Variants in LIMS1 observed in about 807,000 individuals in gnomAD.
LIMS1 encodes the protein LIM and senescent cell antigen-like-containing domain protein 1.
Under a neutral mutation model 44.1 loss-of-function variants are expected in LIMS1, and 18 were observed. The ratio of observed to expected loss-of-function variants is 0.41; its 90% CI spans 0.28 to 0.61. LIMS1 has a LOEUF of 0.61. LIMS1 is among the 20% of genes least tolerant of loss of function. The probability of loss-of-function intolerance (pLI) is 0.32; values close to 1 mark genes in which losing one functional copy is unlikely to be tolerated. For synonymous variants in LIMS1, 93 were observed against 149.1 expected, an observed-to-expected ratio of 0.62 and a Z score of 2.74; for missense variants, 201 against 422.0, an observed-to-expected ratio of 0.48 and a Z score of 4.59.
chr2:108,583,242 C>T (rs1685959054), intron 1 of LIMS1, among the ~76,000 whole-genome samples: 1 of 149,624 alleles, frequency 6.7e-6, no homozygotes, highest in African/African-American at 2.5e-5. Flanking sequence ...GGGGTCTCAC[C>T]ATGTTAGGCA....
chr2:108,613,451 C>T (rs1687767252), intron 1 of LIMS1, among the ~76,000 whole-genome samples: 1 of 152,128 alleles, frequency 6.6e-6, no homozygotes. Flanking sequence ...GTGGGTGCTT[C>T]CTGCCTCCCT....
intron 1 of LIMS1, among the ~76,000 whole-genome samples, chr2:108,568,636 C>G (rs1022946577): frequency 1.3e-5 from 2 of 152,282 alleles, no homozygotes; most frequent in East Asian, 3.9e-4. Context: ...CCATTTTACA[C>G]CAACAACACA....
chr2:108,651,320 TATAGAGTGTG>T (rs1690470049), intron 1 of LIMS1, among the ~76,000 whole-genome samples: 1 of 152,220 alleles, frequency 6.6e-6, no homozygotes, highest in African/African-American at 2.4e-5. Flanking sequence ...GAAGGTGATC[TATAGAGTGTG>T]ATAGAAGACA....
chr2:108,541,855 A>G (rs1187190424), intron 1 of LIMS1, among the ~76,000 whole-genome samples: 2 of 152,334 alleles, frequency 1.3e-5, no homozygotes, highest in East Asian at 3.9e-4. Context: ...GTAGTAGGGA[A>G]TTAGGGATTC....
chr2:108,543,148 T>G (rs1466199294), intron 1 of LIMS1, among the ~76,000 whole-genome samples: 3 of 152,192 alleles, frequency 2.0e-5, no homozygotes, highest in Non-Finnish European at 4.4e-5. Context: ...TTTAGAAATT[T>G]CACTGGGCAT....
At chr2:108,624,854 A>C (rs1175485038) in intron 1 of LIMS1, among the ~76,000 whole-genome samples, 2 of 152,106 alleles carry the variant, frequency 1.3e-5, no homozygotes, top group Non-Finnish European at 2.9e-5. Context: ...CGAGGCAGGC[A>C]GATCACCTGA....
intron 1 of LIMS1, among the ~76,000 whole-genome samples, chr2:108,619,254 T>A (rs1455111740): frequency 2.6e-5 from 4 of 152,210 alleles, no homozygotes; most frequent in African/African-American, 9.6e-5. Context: ...ATGTTGGGAT[T>A]TCTGTATTTA....
At chr2:108,611,674 G>A (rs1392459171) in intron 1 of LIMS1, among the ~76,000 whole-genome samples, 9 of 151,788 alleles carry the variant, frequency 5.9e-5, no homozygotes, top group African/African-American at 2.2e-4. Flanking sequence ...GAGCTCAGGA[G>A]TTCGAGACCA....
At chr2:108,681,702 C>A in intron 9 of LIMS1, 1 of 535,028 alleles carries the variant, frequency 1.9e-6, no homozygotes, top group Non-Finnish European at 2.4e-6. Context: ...GGAAGGATTG[C>A]CTGAGCCCAG....
rs141646067 is a variant in LIMS1 at position 108,546,909 on chromosome 2, T to G, written c.32+12315T>G. Among the ~76,000 whole-genome samples, 4 of 152,338 alleles carry G rather than the reference T, an allele frequency of 2.6e-5. No homozygotes were observed. In the East Asian group the frequency reaches 7.7e-4, roughly 29 times the overall value. Reference sequence around the variant, plus strand: ...ATGCTTGTGTTTGAAGTATAACGTTTTGCTTTTCAGTAATGGTCTCCCTGA... The same window carrying G: ...ATGCTTGTGTTTGAAGTATAACGTTGTGCTTTTCAGTAATGGTCTCCCTGA... On this transcript the variant is annotated intron_variant, in intron 1 of 9. Transcript: ENST00000544547.
intron 1 of LIMS1, among the ~76,000 whole-genome samples, chr2:108,639,562 C>T (rs552548396): frequency 6.6e-6 from 1 of 152,314 alleles, no homozygotes; most frequent in East Asian, 1.9e-4. Context: ...AAGTGATTCT[C>T]CTGCTTCAGC....
chr2:108,683,814 C>A, intron 9 of LIMS1, 71 bp from the exon 10 acceptor site: 1 of 760,732 alleles, frequency 1.3e-6, no homozygotes, highest in Non-Finnish European at 2.1e-6. Context: ...ACAATTACTG[C>A]ACATCATTTA....
intron 1 of LIMS1, among the ~76,000 whole-genome samples, chr2:108,555,935 A>G (rs1383867045): frequency 6.6e-6 from 1 of 152,172 alleles, no homozygotes; most frequent in Non-Finnish European, 1.5e-5. Flanking sequence ...AAATGCTTTG[A>G]AAACTTGACT....
At chr2:108,552,468 TATA>T (rs1186230976) in intron 1 of LIMS1, among the ~76,000 whole-genome samples, 2 of 146,146 alleles carry the variant, frequency 1.4e-5, no homozygotes, top group East Asian at 1.9e-4. Flanking sequence ...TATATTAATA[TATA>T]ATAGTAATAC....
At chr2:108,543,015 A>G (rs902833128) in intron 1 of LIMS1, among the ~76,000 whole-genome samples, 2 of 152,266 alleles carry the variant, frequency 1.3e-5, no homozygotes, top group East Asian at 1.9e-4. Flanking sequence ...ATTTGTGTCC[A>G]TTATATACAC....
In LIMS1 at chr2:108,674,493, C is replaced by T. The variant is rs1260498410; in HGVS notation, c.531-1385C>T. ...ATCCCAGCACTTTGGGAGGCCGAGG[C>T]GGGTGGATCACGAGGTCAGGAGATC... On this transcript the variant is annotated intron_variant, in intron 5 of 9. Coordinates refer to ENST00000544547, the Ensembl canonical transcript of LIMS1. Among the ~76,000 whole-genome samples the T allele has an allele frequency of 4.0e-5, 6 of 151,720 alleles. 1 individual carries two copies. The East Asian group carries it at 5.9e-4, about 15-fold the overall frequency.
chr2:108,641,742 A>G (rs1190004937), intron 1 of LIMS1, among the ~76,000 whole-genome samples: 2 of 152,170 alleles, frequency 1.3e-5, no homozygotes, highest in African/African-American at 4.8e-5. Flanking sequence ...TTGCCTGTGC[A>G]TTCAAAAATT....
At chr2:108,627,400 G>GTTTTTTTTT (rs58261864) in intron 1 of LIMS1, among the ~76,000 whole-genome samples, 1 of 107,056 alleles carries the variant, frequency 9.3e-6, no homozygotes, top group Non-Finnish European at 1.9e-5. Context: ...TCCCTTTCTG[G>GTTTTTTTTT]TTTTTTTTTT....
chr2:108,685,709 G>T (rs1324916337), exon 10 of LIMS1: 1 of 152,122 alleles, frequency 6.6e-6, no homozygotes, highest in Non-Finnish European at 1.5e-5. Context: ...GCATTTTACA[G>T]TAAGAATCAA....
Sources: allele counts gnomAD v4.1 joint callset (sites outside exome capture counted in the v4.1 genomes callset), GRCh38; gene constraint gnomAD v4.1.1; transcripts MANE v1.5; gene names NCBI Gene and HGNC (gene_info 2026-07-23, HGNC 2026-07-21).